Variants in ZHX2 observed in about 807,000 individuals in gnomAD.
ZHX2 encodes the protein zinc fingers and homeoboxes protein 2.
ZHX2 carries 6 observed loss-of-function variants against 21.9 expected under a neutral mutation model. The ratio of observed to expected loss-of-function variants is 0.27; its 90% CI spans 0.15 to 0.54. The LOEUF is 0.54. Among genes scored for constraint, ZHX2 ranks in the 20% least tolerant of loss-of-function variants. The pLI is 0.95. For missense variants in ZHX2, 908 were observed against 1,090.7 expected, an observed-to-expected ratio of 0.83 and a Z score of 2.36; for synonymous variants, 434 against 437.1, an observed-to-expected ratio of 0.99 and a Z score of 0.09.
intron 1 of ZHX2, chr8:122,810,631 A>G (rs1175743457): frequency 2.0e-5 from 3 of 152,150 alleles, no homozygotes; most frequent in Non-Finnish European, 2.9e-5. Flanking sequence ...CAGGATGTGT[A>G]TACATTTTTT....
intron 1 of ZHX2, among the ~76,000 whole-genome samples, chr8:122,862,562 G>C (rs1009818451): frequency 6.6e-6 from 1 of 152,168 alleles, no homozygotes; most frequent in Non-Finnish European, 1.5e-5. Context: ...TTGCACCCTT[G>C]AATAGTAATA....
chr8:122,812,191 G>T (rs1190757163), intron 1 of ZHX2, among the ~76,000 whole-genome samples: 1 of 152,184 alleles, frequency 6.6e-6, no homozygotes, highest in African/African-American at 2.4e-5. Flanking sequence ...GCGTGCCTGA[G>T]GGGTGTGAGA....
At chr8:122,843,503 C>T (rs1194943944) in intron 1 of ZHX2, among the ~76,000 whole-genome samples, 1 of 152,228 alleles carries the variant, frequency 6.6e-6, no homozygotes, top group Non-Finnish European at 1.5e-5. Flanking sequence ...TGGTAGTGGC[C>T]TTTGGCCCCC....
chr8:122,940,301 G>A lies in ZHX2; in HGVS notation c.-219-10991G>A, dbSNP rs184589396. 1.3e-3 allele frequency among the ~76,000 whole-genome samples: 201 copies of A among 152,342 alleles called. 1 individual carries two copies. Among genetic ancestry groups the A allele is most frequent in the Non-Finnish European group, 2.4e-3 (162 of 68,028 alleles). On this transcript the variant is annotated intron_variant, in intron 2 of 3. Transcript: ENST00000314393. ...CAAGGCTTTACCTATTGAAGGGTAG[G>A]AAGGGTCTGAGCTTTGGAATTCATT...
At chr8:122,860,387 A>G (rs1819134714) in intron 1 of ZHX2, among the ~76,000 whole-genome samples, 1 of 152,266 alleles carries the variant, frequency 6.6e-6, no homozygotes, top group Non-Finnish European at 1.5e-5. Flanking sequence ...CATTTCTGCT[A>G]TTAAATGATA....
At chr8:122,935,738 T>C (rs1812668220) in intron 2 of ZHX2, among the ~76,000 whole-genome samples, 1 of 152,192 alleles carries the variant, frequency 6.6e-6, no homozygotes, top group African/African-American at 2.4e-5. Flanking sequence ...GGTTTCACCA[T>C]GTTAGCCAGG....
At chr8:122,835,950 C>G (rs1818485315) in intron 1 of ZHX2, among the ~76,000 whole-genome samples, 1 of 152,120 alleles carries the variant, frequency 6.6e-6, no homozygotes, top group Non-Finnish European at 1.5e-5. Flanking sequence ...GATATCTTGC[C>G]TGAGGCCTAA....
chr8:122,955,072 G>GGA (rs763636365), intron 3 of ZHX2, among the ~76,000 whole-genome samples: 11 of 121,522 alleles, frequency 9.1e-5, no homozygotes, highest in African/African-American at 3.6e-4. Flanking sequence ...CATAAGCCGG[G>GGA]GGGGGGGGGG....
intron 2 of ZHX2, among the ~76,000 whole-genome samples, chr8:122,864,140 C>T (rs1369742737): frequency 6.7e-6 from 1 of 148,582 alleles, no homozygotes; most frequent in Admixed American, 6.9e-5. Flanking sequence ...GTCTGTGGGA[C>T]ACGTCGAAGG....
At chr8:122,872,264 G>A (rs1025511719) in intron 2 of ZHX2, among the ~76,000 whole-genome samples, 3 of 152,206 alleles carry the variant, frequency 2.0e-5, no homozygotes, top group Non-Finnish European at 4.4e-5. Context: ...CATTTAAGAT[G>A]CAGGATCCAA....
At chr8:122,909,106 G>A (rs1002250001) in intron 2 of ZHX2, among the ~76,000 whole-genome samples, 3 of 152,176 alleles carry the variant, frequency 2.0e-5, no homozygotes, top group African/African-American at 7.2e-5. Flanking sequence ...CATCTGATTT[G>A]GGTGTAGTAG....
chr8:122,868,669 C>T (rs1232254028), intron 2 of ZHX2, among the ~76,000 whole-genome samples: 10 of 147,502 alleles, frequency 6.8e-5, no homozygotes, highest in African/African-American at 2.3e-4. Flanking sequence ...CCACTGCACT[C>T]CAGCCTGGGT....
At chr8:122,957,435 G>A (rs756217898) in intron 3 of ZHX2, among the ~76,000 whole-genome samples, 22 of 151,516 alleles carry the variant, frequency 1.5e-4, no homozygotes, top group Admixed American at 4.6e-4. Flanking sequence ...ATCTCTGATG[G>A]CTCCCTGATA....
At position 122,937,300 on chromosome 8, in the gene ZHX2, C is replaced by T. The variant is rs114531035; in HGVS notation, c.-219-13992C>T. Among the ~76,000 whole-genome samples the T allele has an allele frequency of 2.9e-3, 447 of 152,292 alleles. 1 individual carries two copies. Among genetic ancestry groups the T allele is most frequent in the African/African-American group, 0.01 (424 of 41,552 alleles). ...AGAAGTGGAAGAACCAGTGCTATCCCGGTTTCCAGCCTGAATGACTGAGTC... is the reference window on the plus strand; with the variant it reads ...AGAAGTGGAAGAACCAGTGCTATCCTGGTTTCCAGCCTGAATGACTGAGTC... On this transcript the variant is annotated intron_variant, in intron 2 of 3. Transcript: ENST00000314393.
At chr8:122,809,157 G>A (rs1330947689) in intron 1 of ZHX2, 1 of 152,262 alleles carries the variant, frequency 6.6e-6, no homozygotes, top group East Asian at 1.9e-4. Flanking sequence ...CAGAGAGATG[G>A]GAGATGTCTG....
chr8:122,838,889 A>T (rs1043389953), intron 1 of ZHX2, among the ~76,000 whole-genome samples: 1 of 152,182 alleles, frequency 6.6e-6, no homozygotes, highest in South Asian at 2.1e-4. Flanking sequence ...TGATTTTTTT[A>T]AAGTGGTAAA....
chr8:122,910,752 G>A (rs1820459689), intron 2 of ZHX2, among the ~76,000 whole-genome samples: 1 of 150,984 alleles, frequency 6.6e-6, no homozygotes, highest in Non-Finnish European at 1.5e-5. Flanking sequence ...TGGGGGGTGG[G>A]GGGTGAGGAA....
At chr8:122,911,987 A>T (rs1043241748) in intron 2 of ZHX2, among the ~76,000 whole-genome samples, 2 of 152,164 alleles carry the variant, frequency 1.3e-5, no homozygotes, top group Non-Finnish European at 2.9e-5. Context: ...TGCCCCCTGG[A>T]ATCCCTGGCT....
chr8:122,847,211 A>G (rs1818771162), intron 1 of ZHX2, among the ~76,000 whole-genome samples: 1 of 152,092 alleles, frequency 6.6e-6, no homozygotes, highest in Non-Finnish European at 1.5e-5. Flanking sequence ...TCCTTGTGAA[A>G]TTCTTCCGTC....
Sources: gnomAD v4.1 joint callset for allele counts (sites outside exome capture counted in the v4.1 genomes callset) on GRCh38, gnomAD v4.1.1 for gene constraint, MANE v1.5 for transcripts, NCBI Gene and HGNC (gene_info 2026-07-23, HGNC 2026-07-21) for gene names.